Variants in PRKN observed in about 807,000 individuals in gnomAD.
PRKN encodes parkin RBR E3 ubiquitin protein ligase.
In PRKN, 56 loss-of-function variants were observed where a neutral mutation model predicts 59.5. The observed-to-expected ratio is 0.94, with a 90% CI of 0.76 to 1.18. PRKN has a LOEUF of 1.18. PRKN is among the 50% of genes most tolerant of loss of function. The pLI, the probability that PRKN is intolerant of heterozygous loss-of-function variation, is 0.00. For missense variants in PRKN, 657 were observed against 596.4 expected (o/e 1.10, Z -1.06); for synonymous variants, 250 against 222.1 (o/e 1.13, Z -1.12).
At chr6:161,864,903 C>T (rs1353815588) in intron 6 of PRKN, among the ~76,000 whole-genome samples, 2 of 152,100 alleles carry the variant, frequency 1.3e-5, no homozygotes, top group African/African-American at 2.4e-5. Context: ...ATCCGCCTGC[C>T]CTGGCCTCAC....
chr6:161,652,012 C>T (rs1300454788), intron 7 of PRKN, among the ~76,000 whole-genome samples: 2 of 152,202 alleles, frequency 1.3e-5, no homozygotes, highest in Admixed American at 1.3e-4. Context: ...GCAAGTTTTT[C>T]CAACCAATTT....
At chr6:162,372,414 G>A (rs977318162) in intron 2 of PRKN, among the ~76,000 whole-genome samples, 4 of 150,908 alleles carry the variant, frequency 2.7e-5, no homozygotes, top group Non-Finnish European at 6.0e-5. Flanking sequence ...TTACTCACAC[G>A]TGCTACACAT....
At chr6:161,568,019 T>G (rs896523561) in intron 8 of PRKN, among the ~76,000 whole-genome samples, 2 of 152,208 alleles carry the variant, frequency 1.3e-5, no homozygotes, top group Non-Finnish European at 2.9e-5. Flanking sequence ...TGAATATACA[T>G]TTATGCCTGC....
chr6:162,602,865 C>A (rs1411045870), intron 1 of PRKN, among the ~76,000 whole-genome samples: 2 of 152,098 alleles, frequency 1.3e-5, no homozygotes, highest in Non-Finnish European at 2.9e-5. Flanking sequence ...AAGTTCGCAG[C>A]TAAATTGGTG....
At chr6:162,423,719 C>T (rs571446670) in intron 2 of PRKN, among the ~76,000 whole-genome samples, 17 of 152,234 alleles carry the variant, frequency 1.1e-4, no homozygotes, top group Non-Finnish European at 2.2e-4. Context: ...GACTTCAAGA[C>T]GTTAAATCAA....
intron 6 of PRKN, among the ~76,000 whole-genome samples, chr6:161,957,419 TG>T (rs1562418183): frequency 0.15 from 20,458 of 135,446 alleles, 1,662 homozygotes; most frequent in South Asian, 0.23. Flanking sequence ...GTTTTTTTTT[TG>T]TTTGTTTGTT....
chr6:161,503,644 G>A lies in PRKN; in HGVS notation c.1083+45210C>T, dbSNP rs1474444895. Among the ~76,000 whole-genome samples, 1 of 152,158 alleles carries A rather than the reference G, an allele frequency of 6.6e-6. No homozygotes were observed. The highest frequency in any genetic ancestry group is 1.5e-5 in the Non-Finnish European group (1 of 68,030). ...AGCTGGGTTCTAAGGCAGTTGCTCT[G>A]CCCCCAGAGCCCTGCTTCGAGAGCC... On this transcript the variant is annotated intron_variant, in intron 9 of 11. Coordinates refer to ENST00000366898, the MANE Select transcript of PRKN (RefSeq NM_004562.3). This position sits in a 1 kb window ranked among gnomAD's most constrained non-coding sequence, Gnocchi z 5.1.
intron 7 of PRKN, among the ~76,000 whole-genome samples, chr6:161,630,295 AAACGTGGCC>A (rs920281493): frequency 1.3e-5 from 2 of 152,112 alleles, no homozygotes; most frequent in Non-Finnish European, 2.9e-5. Flanking sequence ...CCTAGTTTGA[AAACGTGGCC>A]AATCAGCGCA....
chr6:162,352,002 C>G (rs968548416), intron 2 of PRKN, among the ~76,000 whole-genome samples: 3 of 152,126 alleles, frequency 2.0e-5, no homozygotes, highest in Admixed American at 6.6e-5. Context: ...TGAGCCACCC[C>G]CTCCGGACAC....
At position 161,538,703 on chromosome 6, in the gene PRKN, G is replaced by A. The variant is rs1779510841; in HGVS notation, c.1083+10151C>T. On this transcript the variant is annotated intron_variant, in intron 9 of 11. Coordinates refer to ENST00000366898, the MANE Select transcript of PRKN (RefSeq NM_004562.3). The surrounding 1 kb of genome is among the most constrained non-coding windows in gnomAD (Gnocchi z 4.2). ...CTCAGGAAATGTGATTTCTACATCTGTTGCAGATCCTTGGAGACCAGTGCC... is the reference window on the plus strand; with the variant it reads ...CTCAGGAAATGTGATTTCTACATCTATTGCAGATCCTTGGAGACCAGTGCC... 6.6e-6 allele frequency among the ~76,000 whole-genome samples: 1 copy of A among 152,192 alleles called. No individual in the cohort carries two copies. Among genetic ancestry groups the A allele is most frequent in the Admixed American group, 6.5e-5 (1 of 15,286 alleles).
At chr6:162,296,919 A>G (rs190075372) in intron 2 of PRKN, among the ~76,000 whole-genome samples, 1 of 152,300 alleles carries the variant, frequency 6.6e-6, no homozygotes, top group East Asian at 1.9e-4. Flanking sequence ...TTTTTAAAAA[A>G]GAATAAAATC....
At chr6:162,017,515 C>A (rs1302523641) in intron 5 of PRKN, among the ~76,000 whole-genome samples, 1 of 152,154 alleles carries the variant, frequency 6.6e-6, no homozygotes, top group African/African-American at 2.4e-5. Context: ...TAGAAAATCA[C>A]CACATTCAAT....
At chr6:161,808,278 C>T (rs1385185638) in intron 6 of PRKN, among the ~76,000 whole-genome samples, 1 of 152,006 alleles carries the variant, frequency 6.6e-6, no homozygotes, top group African/African-American at 2.4e-5. Flanking sequence ...CTGCAAAGGA[C>T]ATCATTGGGT....
intron 2 of PRKN, among the ~76,000 whole-genome samples, chr6:162,410,505 A>G (rs757217293): frequency 6.6e-6 from 1 of 152,176 alleles, no homozygotes; most frequent in Non-Finnish European, 1.5e-5. Flanking sequence ...GCTCGACTGA[A>G]AGCAAGGGCT....
intron 2 of PRKN, among the ~76,000 whole-genome samples, chr6:162,342,846 C>T (rs2128128696): frequency 6.6e-6 from 1 of 152,232 alleles, no homozygotes; most frequent in Middle Eastern, 3.4e-3. Context: ...ATATACTTAT[C>T]TACTGATTAC....
intron 2 of PRKN, among the ~76,000 whole-genome samples, chr6:162,264,106 T>C (rs1780018508): frequency 6.6e-6 from 1 of 151,640 alleles, no homozygotes; most frequent in Non-Finnish European, 1.5e-5. Flanking sequence ...AAACCCCATC[T>C]CTACTAAAAA....
intron 4 of PRKN, among the ~76,000 whole-genome samples, chr6:162,111,983 GA>G (rs1780459061): frequency 1.3e-5 from 2 of 152,178 alleles, no homozygotes; most frequent in African/African-American, 4.8e-5. Context: ...AAGTCATCCA[GA>G]ATATCAGTAG....
chr6:162,666,594 A>G (rs1779114834), intron 1 of PRKN, among the ~76,000 whole-genome samples: 2 of 152,252 alleles, frequency 1.3e-5, no homozygotes, highest in East Asian at 1.9e-4. Flanking sequence ...ATGGAGTAAC[A>G]TTTTATAATG....
chr6:162,410,027 A>C (rs959705931), intron 2 of PRKN, among the ~76,000 whole-genome samples: 2 of 152,206 alleles, frequency 1.3e-5, no homozygotes, highest in Non-Finnish European at 2.9e-5. Flanking sequence ...ATGGCTAACA[A>C]AATAACATTA....
Sources: allele counts gnomAD v4.1 joint callset (sites outside exome capture counted in the v4.1 genomes callset), GRCh38; gene constraint gnomAD v4.1.1; non-coding constraint Gnocchi (gnomAD v3.1); transcripts MANE v1.5; gene names NCBI Gene and HGNC (gene_info 2026-07-23, HGNC 2026-07-21).